The following WWOX variants were observed in gnomAD, a reference collection of about 807,000 sequenced individuals.
WWOX encodes the protein WW domain containing oxidoreductase.
In WWOX, 69 loss-of-function variants were observed where a neutral mutation model predicts 46.2. That is an observed-to-expected ratio of 1.49 (90% CI 1.23 to 1.82). The LOEUF (loss-of-function observed/expected upper bound fraction) is 1.82. Among genes scored for constraint, WWOX ranks in the 40% most tolerant of loss-of-function variants. The probability of loss-of-function intolerance (pLI) is 0.00; values close to 1 mark genes in which losing one functional copy is unlikely to be tolerated. For synonymous variants in WWOX, 359 were observed against 202.6 expected, an observed-to-expected ratio of 1.77 and a Z score of -6.56; for missense variants, 919 against 542.6, an observed-to-expected ratio of 1.69 and a Z score of -6.89.
chr16:78,360,028 AACTT>A (rs1263044366), intron 5 of WWOX, among the ~76,000 whole-genome samples: 1 of 152,240 alleles, frequency 6.6e-6, no homozygotes, highest in African/African-American at 2.4e-5. Context: ...TCAGGAAACA[AACTT>A]TTTAAAAACA....
At chr16:79,038,136 C>G (rs568713811) in intron 8 of WWOX, among the ~76,000 whole-genome samples, 2 of 152,090 alleles carry the variant, frequency 1.3e-5, no homozygotes, top group Admixed American at 6.6e-5. Flanking sequence ...GATCTGTCCC[C>G]CCGTGAACCC....
chr16:78,285,132 C>G (rs553820167), intron 5 of WWOX, among the ~76,000 whole-genome samples: 1 of 152,202 alleles, frequency 6.6e-6, no homozygotes, highest in African/African-American at 2.4e-5. Context: ...TCTGTCACTC[C>G]CTCAGAAGGG....
At chr16:78,410,680 C>T (rs1352060427) in intron 6 of WWOX, among the ~76,000 whole-genome samples, 1 of 151,374 alleles carries the variant, frequency 6.6e-6, no homozygotes, top group Non-Finnish European at 1.5e-5. Context: ...GTGGCACATG[C>T]ATGTAATCCC....
chr16:78,240,363 A>T (rs1399463041), intron 5 of WWOX, among the ~76,000 whole-genome samples: 1 of 152,114 alleles, frequency 6.6e-6, no homozygotes, highest in African/African-American at 2.4e-5. Context: ...AGGAGAGGAC[A>T]CAGAGGAGAA....
chr16:78,809,870 A>T (rs556114275), intron 8 of WWOX, among the ~76,000 whole-genome samples: 4 of 152,252 alleles, frequency 2.6e-5, no homozygotes, highest in South Asian at 2.1e-4. Context: ...GATCAGTTGC[A>T]TGTGCATATG....
At chr16:78,438,305 T>A (rs2083376353) in intron 8 of WWOX, among the ~76,000 whole-genome samples, 1 of 152,176 alleles carries the variant, frequency 6.6e-6, no homozygotes, top group African/African-American at 2.4e-5. Flanking sequence ...ACCAGCCTTG[T>A]AAACTTTCAC....
intron 8 of WWOX, among the ~76,000 whole-genome samples, chr16:78,504,217 G>A (rs2667598): frequency 0.91 from 137,980 of 152,210 alleles, 63,091 homozygotes; most frequent in Non-Finnish European, 0.97. Context: ...ATGAAATCAT[G>A]TATTCTCTAG....
At chr16:79,094,451 C>T (rs145297447) in intron 8 of WWOX, among the ~76,000 whole-genome samples, 47 of 152,124 alleles carry the variant, frequency 3.1e-4, no homozygotes, top group African/African-American at 9.9e-4. Context: ...TGGGTTTCAC[C>T]ATGTTGGCCA....
At chr16:79,121,458 G>C (rs2049629914) in intron 8 of WWOX, among the ~76,000 whole-genome samples, 1 of 152,196 alleles carries the variant, frequency 6.6e-6, no homozygotes, top group Non-Finnish European at 1.5e-5. Flanking sequence ...TCCGATGTCG[G>C]TTTGCCATGA....
In WWOX at chr16:79,025,306, T is replaced by G. The variant is rs371839283; in HGVS notation, c.1057-186302T>G. ...TAAGACAGTAGCCCTTTGGGTTCGA[T>G]TTAGTGGTGGCTCCCCAAAAGATAT... On this transcript the variant is annotated intron_variant, in intron 8 of 8. Transcript: ENST00000566780. 1.1e-4 allele frequency among the ~76,000 whole-genome samples: 17 copies of G among 152,260 alleles called. No homozygotes were observed. In the South Asian group the frequency reaches 3.1e-3, roughly 28 times the overall value.
At chr16:78,642,350 G>C (rs756333669) in intron 8 of WWOX, among the ~76,000 whole-genome samples, 35 of 152,198 alleles carry the variant, frequency 2.3e-4, no homozygotes, top group Non-Finnish European at 4.3e-4. Context: ...TCTGTCTCCA[G>C]ATTCCTTGTT....
intron 8 of WWOX, among the ~76,000 whole-genome samples, chr16:79,141,463 G>C (rs1449769059): frequency 6.6e-6 from 1 of 152,224 alleles, no homozygotes; most frequent in African/African-American, 2.4e-5. Context: ...ACCTGGCTCA[G>C]ATTTTCAGGG....
chr16:78,681,600 C>T (rs961641666), intron 8 of WWOX, among the ~76,000 whole-genome samples: 6 of 151,920 alleles, frequency 3.9e-5, no homozygotes, highest in African/African-American at 1.5e-4. Context: ...AGGGCTCTGC[C>T]CATTAGAATC....
chr16:78,480,611 A>G (rs2084462594), intron 8 of WWOX, among the ~76,000 whole-genome samples: 1 of 152,216 alleles, frequency 6.6e-6, no homozygotes, highest in African/African-American at 2.4e-5. Context: ...ATGTAAGCAT[A>G]TTGGCTCTCA....
intron 5 of WWOX, among the ~76,000 whole-genome samples, chr16:78,188,443 G>A (rs915229127): frequency 6.7e-6 from 1 of 148,924 alleles, no homozygotes; most frequent in African/African-American, 2.5e-5. Context: ...AGCTGGGATT[G>A]TGCCACTGCA....
At chr16:78,886,514 A>G (rs2044461306) in intron 8 of WWOX, among the ~76,000 whole-genome samples, 1 of 151,752 alleles carries the variant, frequency 6.6e-6, no homozygotes, top group Non-Finnish European at 1.5e-5. Context: ...TGATCTTCAG[A>G]GAAGTTTTAA....
Position 78,099,725 on chromosome 16 carries a change from G to A in WWOX, c.-54G>A, listed in dbSNP as rs2031615706. 6.6e-7 allele frequency: 1 copy of A among 1,506,378 alleles called. No homozygotes were observed. The highest frequency in any genetic ancestry group is 8.9e-7 in the Non-Finnish European group (1 of 1,127,890). 93.3% of individuals were successfully genotyped at this position (1,506,378 alleles called of 1,614,324 possible). A position where few individuals can be genotyped will look rare whatever the true frequency, so the allele number is the denominator to read the frequency against. On this transcript the variant is annotated 5_prime_UTR_variant, in exon 1 of 9. Coordinates refer to ENST00000566780, the MANE Select transcript of WWOX (RefSeq NM_016373.4). Reference sequence around the variant, plus strand: ...GTTTGGAGCGGGAGTGAGTTCCTGAGCGAGTGGACCCGGCAGCGGGCGATA... The same window carrying A: ...GTTTGGAGCGGGAGTGAGTTCCTGAACGAGTGGACCCGGCAGCGGGCGATA...
intron 4 of WWOX, among the ~76,000 whole-genome samples, chr16:78,152,868 A>T (rs949885682): frequency 6.6e-6 from 1 of 151,774 alleles, no homozygotes; most frequent in Non-Finnish European, 1.5e-5. Context: ...GATATTCCAC[A>T]TGAACTGACC....
intron 8 of WWOX, among the ~76,000 whole-genome samples, chr16:78,597,151 C>T (rs1232816161): frequency 6.6e-6 from 1 of 152,102 alleles, no homozygotes; most frequent in Non-Finnish European, 1.5e-5. Context: ...TTAGCCGGTG[C>T]CTTTGTAGAG....
Sources: gnomAD v4.1 joint callset for allele counts (sites outside exome capture counted in the v4.1 genomes callset) on GRCh38, gnomAD v4.1.1 for gene constraint, MANE v1.5 for transcripts, NCBI Gene and HGNC (gene_info 2026-07-23, HGNC 2026-07-21) for gene names.